Variants in ARHGAP20 observed in about 807,000 individuals in gnomAD.
The protein encoded by ARHGAP20 is rho GTPase-activating protein 20.
In ARHGAP20, 34 loss-of-function variants were observed where a neutral mutation model predicts 73.7. The ratio of observed to expected loss-of-function variants is 0.46; its 90% CI spans 0.35 to 0.61. The LOEUF is 0.61. Among genes scored for constraint, ARHGAP20 ranks in the 20% least tolerant of loss-of-function variants. The pLI is 0.00. For synonymous variants in ARHGAP20, 523 were observed against 518.2 expected, an observed-to-expected ratio of 1.01 and a Z score of -0.13; for missense variants, 1,314 against 1,420.9, an observed-to-expected ratio of 0.92 and a Z score of 1.21.
intron 2 of ARHGAP20, among the ~76,000 whole-genome samples, chr11:110,651,484 C>T (rs1262925656): frequency 6.6e-6 from 1 of 151,008 alleles, no homozygotes; most frequent in South Asian, 2.1e-4. Flanking sequence ...GCTAGCTAGA[C>T]TAACATGGAA....
intron 9 of ARHGAP20, among the ~76,000 whole-genome samples, chr11:110,604,891 GA>G (rs1490250964): frequency 6.6e-6 from 1 of 152,136 alleles, no homozygotes; most frequent in Non-Finnish European, 1.5e-5. Flanking sequence ...CATGTGGGTG[GA>G]AATTTATATA....
chr11:110,667,079 G>A (rs763890501), intron 2 of ARHGAP20, among the ~76,000 whole-genome samples: 2 of 152,246 alleles, frequency 1.3e-5, no homozygotes, highest in Non-Finnish European at 2.9e-5. Context: ...AGCACTACAT[G>A]CTGATGTGGA....
intron 1 of ARHGAP20, among the ~76,000 whole-genome samples, chr11:110,707,553 G>A (rs1950571734): frequency 6.6e-6 from 1 of 152,124 alleles, no homozygotes. Context: ...GTAAAAGTGA[G>A]TGATCTAGCT....
At position 110,712,402 on chromosome 11, in the gene ARHGAP20, C is replaced by G. The variant is rs1198030727; in HGVS notation, c.-171G>C. On this transcript the variant is annotated 5_prime_UTR_variant, in exon 1 of 15. Coordinates refer to ENST00000683387, the MANE Select transcript of ARHGAP20 (RefSeq NM_001384657.1). Reference sequence around the variant, plus strand: ...GCCTCCCGTCGGGGCCATGTACCTCCGCCTGCGCTCGACACCGCGGGCTGG... The same window carrying G: ...GCCTCCCGTCGGGGCCATGTACCTCGGCCTGCGCTCGACACCGCGGGCTGG... 3 of 361,462 alleles carry G rather than the reference C, an allele frequency of 8.3e-6. No homozygotes were observed. The highest frequency in any genetic ancestry group is 1.4e-5 in the Non-Finnish European group (3 of 210,670). 22.4% of individuals were successfully genotyped at this position (361,462 alleles called of 1,614,324 possible). A position where few individuals can be genotyped will look rare whatever the true frequency, so the allele number is the denominator to read the frequency against.
intron 9 of ARHGAP20, among the ~76,000 whole-genome samples, chr11:110,592,869 A>G (rs1393199397): frequency 1.3e-5 from 2 of 152,208 alleles, no homozygotes; most frequent in Non-Finnish European, 2.9e-5. Context: ...TCTTGACTTT[A>G]AAGTATGTTT....
At chr11:110,614,051 A>T (rs1466335546) in intron 6 of ARHGAP20, among the ~76,000 whole-genome samples, 1 of 152,180 alleles carries the variant, frequency 6.6e-6, no homozygotes, top group South Asian at 2.1e-4. Context: ...ATCCCTTAAA[A>T]ATGTCACCTC....
intron 11 of ARHGAP20, among the ~76,000 whole-genome samples, chr11:110,587,830 T>C (rs1214725993): frequency 6.6e-6 from 1 of 152,220 alleles, no homozygotes; most frequent in Admixed American, 6.5e-5. Context: ...TGTTCTATTA[T>C]ATCTTCTAGC....
At chr11:110,683,984 T>A (rs1950084805) in intron 2 of ARHGAP20, among the ~76,000 whole-genome samples, 1 of 152,174 alleles carries the variant, frequency 6.6e-6, no homozygotes, top group African/African-American at 2.4e-5. Context: ...TTCCGTCATG[T>A]GAGGACACAG....
chr11:110,645,782 T>C (rs551004202), intron 2 of ARHGAP20, among the ~76,000 whole-genome samples: 1 of 152,294 alleles, frequency 6.6e-6, no homozygotes, highest in Admixed American at 6.5e-5. Context: ...TGGAATACTA[T>C]GCAGCCATAA....
At chr11:110,621,060 G>A (rs1006407038) in intron 4 of ARHGAP20, among the ~76,000 whole-genome samples, 4 of 66,934 alleles carry the variant, frequency 6.0e-5, no homozygotes, top group Admixed American at 4.6e-4. Flanking sequence ...GGCAACAAGA[G>A]TAAAACTCCA....
At chr11:110,633,702 G>A (rs538449311) in intron 2 of ARHGAP20, among the ~76,000 whole-genome samples, 1 of 152,284 alleles carries the variant, frequency 6.6e-6, no homozygotes, top group South Asian at 2.1e-4. Context: ...CCCGTTGTAA[G>A]TCGAGGAGCA....
intron 6 of ARHGAP20, among the ~76,000 whole-genome samples, chr11:110,611,833 C>A (rs540523178): frequency 1.3e-5 from 2 of 151,926 alleles, no homozygotes; most frequent in African/African-American, 2.4e-5. Flanking sequence ...TATTTCTTTG[C>A]GTGGTATAAA....
chr11:110,712,145 TC>T lies in ARHGAP20; in HGVS notation c.86del (p.Gly29GlufsTer9). 2 of 1,357,760 alleles carry T rather than the reference TC, an allele frequency of 1.5e-6. No homozygotes were observed. The highest frequency in any genetic ancestry group is 2.3e-5 in the South Asian group (1 of 43,436). 84.1% of individuals were successfully genotyped at this position (1,357,760 alleles called of 1,614,324 possible). A position where few individuals can be genotyped will look rare whatever the true frequency, so the allele number is the denominator to read the frequency against. Reference protein sequence around the residue: ...SSLTGVSRLAGGSCTKKKMKT... With the variant: ...SSLTGVSRLAXGSCTKKKMKT... ...TCCTCACCTTCTTGGTGCAGCTGCC[TC>T]CCGCGAGCCGAGACACTCCTGTCAG... is the stretch of plus-strand genomic sequence containing the variant. On this transcript the variant is annotated frameshift_variant, in exon 1 of 15. Transcript: ENST00000683387. LOFTEE classifies it high-confidence loss of function.
intron 12 of ARHGAP20, among the ~76,000 whole-genome samples, chr11:110,585,080 C>CATGAATATATGTGAATAT (rs1191097924): frequency 1.3e-5 from 2 of 148,570 alleles, no homozygotes; most frequent in Non-Finnish European, 3.0e-5. Context: ...TATATGAATA[C>CATGAATATATGTGAATAT]ATGAATATAT....
intron 1 of ARHGAP20, among the ~76,000 whole-genome samples, chr11:110,704,520 A>AT (rs1188442001): frequency 2.0e-5 from 3 of 152,214 alleles, no homozygotes; most frequent in East Asian, 3.8e-4. Flanking sequence ...TGTTTCTACC[A>AT]TAAACTTGTC....
intron 11 of ARHGAP20, among the ~76,000 whole-genome samples, chr11:110,586,699 A>G (rs1048850926): frequency 6.6e-6 from 1 of 152,214 alleles, no homozygotes; most frequent in Non-Finnish European, 1.5e-5. Context: ...GTACCAAGGT[A>G]TCTATGAGGT....
chr11:110,584,972 A>AATATATGAAT lies in ARHGAP20; in HGVS notation c.1416-1236_1416-1235insATTCATATAT, dbSNP rs1555082421. 1.6e-4 allele frequency among the ~76,000 whole-genome samples: 23 copies of AATATATGAAT among 145,950 alleles called. 1 individual carries two copies. Among genetic ancestry groups the AATATATGAAT allele is most frequent in the Admixed American group, 9.6e-4 (14 of 14,540 alleles). On this transcript the variant is annotated intron_variant, in intron 12 of 14. Transcript: ENST00000683387. ...ATATATGAATATATGTGAATATATG[A>AATATATGAAT]ATATATATGTGAAAATATATATGAA...
intron 9 of ARHGAP20, among the ~76,000 whole-genome samples, chr11:110,594,939 T>C (rs1275026648): frequency 1.3e-5 from 2 of 151,572 alleles, no homozygotes; most frequent in Non-Finnish European, 2.9e-5. Flanking sequence ...AAAAAGCTTA[T>C]CCACCATGAT....
rs149803352 is a variant in ARHGAP20, at chr11:110,678,085, T to C, written c.188+12462A>G. Among the ~76,000 whole-genome samples the C allele has an allele frequency of 7.1e-3, 1,088 of 152,250 alleles. 15 individuals carry two copies. The highest frequency in any genetic ancestry group is 0.025 in the African/African-American group (1,034 of 41,548). On this transcript the variant is annotated intron_variant, in intron 2 of 14. Transcript: ENST00000683387. ...ACATGGATGAACCTTGAAAACATCA[T>C]GCTAACTGAAAGAAGCTAGCCACCA...
Sources: gnomAD v4.1 joint callset for allele counts (sites outside exome capture counted in the v4.1 genomes callset) on GRCh38, gnomAD v4.1.1 for gene constraint, MANE v1.5 for transcripts, NCBI Gene and HGNC (gene_info 2026-07-23, HGNC 2026-07-21) for gene names.